Variants in DGKI observed in about 807,000 individuals in gnomAD.
DGKI encodes DAG kinase iota.
Under a neutral mutation model 147.5 loss-of-function variants are expected in DGKI, and 55 were observed. That is an observed-to-expected ratio of 0.37 (90% CI 0.30 to 0.47). The LOEUF is 0.47. Ranked by LOEUF, DGKI falls within the 20% of genes least tolerant of loss-of-function variation. DGKI has a pLI of 1.00. For missense variants in DGKI, 1,007 were observed against 1,323.8 expected, an observed-to-expected ratio of 0.76 and a Z score of 3.71; for synonymous variants, 469 against 477.1, an observed-to-expected ratio of 0.98 and a Z score of 0.22.
At chr7:137,629,035 C>T (rs1821038868) in intron 6 of DGKI, among the ~76,000 whole-genome samples, 2 of 152,116 alleles carry the variant, frequency 1.3e-5, no homozygotes, top group South Asian at 2.1e-4. Flanking sequence ...GATATTCCTC[C>T]TACCTCCAAA....
intron 1 of DGKI, among the ~76,000 whole-genome samples, chr7:137,770,828 C>T (rs1211502235): frequency 1.0e-4 from 5 of 48,662 alleles, no homozygotes; most frequent in Non-Finnish European, 6.9e-5. Context: ...CCACCGCGCC[C>T]GGCCCTCAGT....
intron 7 of DGKI, among the ~76,000 whole-genome samples, chr7:137,622,212 A>G (rs1415406458): frequency 1.3e-5 from 2 of 152,176 alleles, no homozygotes; most frequent in Non-Finnish European, 2.9e-5. Flanking sequence ...GATATTATTA[A>G]GTTGAACTAT....
At chr7:137,591,093 T>C (rs1276110653) in intron 12 of DGKI, among the ~76,000 whole-genome samples, 1 of 152,210 alleles carries the variant, frequency 6.6e-6, no homozygotes, top group Non-Finnish European at 1.5e-5. Flanking sequence ...GAGCTACGAT[T>C]CCTCACAAAG....
intron 30 of DGKI, among the ~76,000 whole-genome samples, chr7:137,398,956 G>A (rs968073554): frequency 2.0e-5 from 3 of 151,112 alleles, no homozygotes; most frequent in African/African-American, 7.3e-5. Context: ...GGAGCTCACA[G>A]TCTTTCATCT....
chr7:137,570,518 A>G (rs1048978467), intron 19 of DGKI, among the ~76,000 whole-genome samples: 1 of 152,104 alleles, frequency 6.6e-6, no homozygotes, highest in African/African-American at 2.4e-5. Context: ...ACCTAAACAC[A>G]AAACTCCTCA....
chr7:137,777,516 A>G (rs541461706), intron 1 of DGKI, among the ~76,000 whole-genome samples: 1 of 152,352 alleles, frequency 6.6e-6, no homozygotes, highest in South Asian at 2.1e-4. Flanking sequence ...TCTGTGTCAT[A>G]CTGTAGCCAC....
chr7:137,683,366 G>GTGTTTGTT (rs3083597), intron 2 of DGKI, among the ~76,000 whole-genome samples: 2,327 of 149,430 alleles, frequency 0.016, 52 homozygotes, highest in African/African-American at 0.047. Context: ...CTTTTTGTTT[G>GTGTTTGTT]TGTTTGTTTG....
intron 1 of DGKI, among the ~76,000 whole-genome samples, chr7:137,723,345 C>T (rs1797207517): frequency 6.6e-6 from 1 of 152,214 alleles, no homozygotes; most frequent in Non-Finnish European, 1.5e-5. Flanking sequence ...GCTCCAGGCG[C>T]CATGCTAGAC....
chr7:137,653,208 C>T (rs982425162), intron 5 of DGKI, among the ~76,000 whole-genome samples: 1 of 152,218 alleles, frequency 6.6e-6, no homozygotes, highest in Non-Finnish European at 1.5e-5. Context: ...GTCCAAAATC[C>T]AATCAATTAC....
intron 22 of DGKI, 74 bp from the exon 23 acceptor site, chr7:137,485,492 A>G: frequency 9.0e-7 from 1 of 1,113,986 alleles, no homozygotes; most frequent in Non-Finnish European, 1.3e-6. Flanking sequence ...CTCAATCTCA[A>G]CTGAACTCCC....
chr7:137,431,839 C>T (rs749091776), intron 28 of DGKI, among the ~76,000 whole-genome samples: 4 of 152,156 alleles, frequency 2.6e-5, no homozygotes, highest in Non-Finnish European at 5.9e-5. Context: ...CAATTGCCAA[C>T]CCTACCACCC....
intron 2 of DGKI, among the ~76,000 whole-genome samples, chr7:137,688,598 G>T (rs2116446969): frequency 6.6e-6 from 1 of 152,238 alleles, no homozygotes; most frequent in African/African-American, 2.4e-5. Flanking sequence ...CAGACTACAG[G>T]GTTGTTTGGA....
At position 137,464,256 on chromosome 7, in the gene DGKI, CAAAAAAAAAAAA is replaced by C. The variant is rs58290482; in HGVS notation, c.2613-657_2613-646del. On this transcript the variant is annotated intron_variant, in intron 26 of 32. Transcript: ENST00000614521. Reference sequence around the variant, plus strand: ...TGGGTGACAGAGCGAGACTCCATCTCAAAAAAAAAAAAAAAAAAAAAAGGAAAAGAAAAAGAA... The same window carrying C: ...TGGGTGACAGAGCGAGACTCCATCTCAAAAAAAAAAGGAAAAGAAAAAGAA... Among the ~76,000 whole-genome samples, 290 of 47,780 alleles carry C rather than the reference CAAAAAAAAAAAA, an allele frequency of 6.1e-3. 4 individuals are homozygous for C. The highest frequency in any genetic ancestry group is 0.011 in the African/African-American group (275 of 24,436). 31.3% of individuals were successfully genotyped at this position (47,780 alleles called of 152,430 possible). A position where few individuals can be genotyped will look rare whatever the true frequency, so the allele number is the denominator to read the frequency against.
chr7:137,714,959 C>A (rs1048138666), intron 1 of DGKI, among the ~76,000 whole-genome samples: 10 of 152,282 alleles, frequency 6.6e-5, no homozygotes, highest in Middle Eastern at 6.8e-3. Flanking sequence ...TTGTCCTTAG[C>A]TTCTAGGCAT....
At chr7:137,587,756 T>C (rs1267153448) in intron 12 of DGKI, among the ~76,000 whole-genome samples, 1 of 152,358 alleles carries the variant, frequency 6.6e-6, no homozygotes. Flanking sequence ...TTGCCCTCTA[T>C]AGTATCATCT....
rs756843825 is a variant in DGKI at position 137,656,544 on chromosome 7, CA to C, written c.607-5del. The C allele has an allele frequency of 1.1e-4, 183 of 1,613,932 alleles. No homozygotes were observed. The East Asian group carries it at 3.8e-3, about 34-fold the overall frequency. On this transcript the variant is annotated splice_region_variant and splice_polypyrimidine_tract_variant and intron_variant, in intron 3 of 32. Transcript: ENST00000614521. ...ACTTCCTCCTGAGAGCTGATTTCTA[CA>C]ATATTCAATTCAAAAGACAAAAAAG...
intron 21 of DGKI, among the ~76,000 whole-genome samples, chr7:137,510,082 T>C (rs1025237169): frequency 3.3e-5 from 5 of 152,238 alleles, no homozygotes; most frequent in Non-Finnish European, 5.9e-5. Flanking sequence ...GGTTCACGCA[T>C]TGACCGTGGT....
chr7:137,440,977 A>G (rs1387692353), intron 28 of DGKI, among the ~76,000 whole-genome samples: 1 of 152,214 alleles, frequency 6.6e-6, no homozygotes, highest in African/African-American at 2.4e-5. Context: ...AAATTTAATG[A>G]TAATGAAAAA....
intron 30 of DGKI, among the ~76,000 whole-genome samples, chr7:137,401,963 T>C (rs1248324624): frequency 3.3e-5 from 5 of 152,202 alleles, no homozygotes; most frequent in Non-Finnish European, 4.4e-5. Context: ...TCATTTCCCT[T>C]GCTGGTATTA....
Sources: gnomAD v4.1 joint callset for allele counts (sites outside exome capture counted in the v4.1 genomes callset) on GRCh38, gnomAD v4.1.1 for gene constraint, MANE v1.5 for transcripts, NCBI Gene and HGNC (gene_info 2026-07-23, HGNC 2026-07-21) for gene names.